Variants in TRRAP observed in about 807,000 individuals in gnomAD.
The protein encoded by TRRAP is transformation/transcription domain associated protein.
In TRRAP, 41 loss-of-function variants were observed where a neutral mutation model predicts 438.8. The observed-to-expected ratio is 0.09, with a 90% CI of 0.07 to 0.12. TRRAP has a LOEUF of 0.12. TRRAP is among the 10% of genes least tolerant of loss of function. The probability of loss-of-function intolerance (pLI) is 1.00; values close to 1 mark genes in which losing one functional copy is unlikely to be tolerated. For missense variants in TRRAP, 3,122 were observed against 5,055.1 expected (o/e 0.62, Z 11.60); for synonymous variants, 1,994 against 1,962.9 (o/e 1.02, Z -0.42).
At chr7:98,907,182 G>A (rs1281886104) in intron 13 of TRRAP, among the ~76,000 whole-genome samples, 2 of 152,104 alleles carry the variant, frequency 1.3e-5, no homozygotes, top group Admixed American at 1.3e-4. Flanking sequence ...AATTAGCCAG[G>A]CGTGGTGGCG....
chr7:98,902,908 T>A (rs1358460873), intron 11 of TRRAP, among the ~76,000 whole-genome samples: 7 of 132,146 alleles, frequency 5.3e-5, no homozygotes, highest in Non-Finnish European at 6.3e-5. Context: ...CCCCCATTTC[T>A]AAAAAAAAAA....
Position 98,976,604 on chromosome 7 carries a change from C to G in TRRAP, c.8081C>G (p.Pro2694Arg). The part of the protein sequence containing the change: ...EAMSQCVPPI[P>R]IRPCVLKYLG... ...ATGTCCCAGTGCGTGCCGCCAATCC[C>G]CATCCGACCCTGCGTCCTGAAGTAC... Residue 2694 changes from proline (P) to arginine (R), a missense_variant, in exon 55 of 73, where the codon CCC becomes CGC. Transcript: ENST00000456197. This position sits in a 1 kb window ranked among gnomAD's most constrained non-coding sequence, Gnocchi z 4.6. The G allele has an allele frequency of 6.2e-7, 1 of 1,614,220 alleles. No individual in the cohort carries two copies. Among genetic ancestry groups the G allele is most frequent in the Non-Finnish European group, 8.5e-7 (1 of 1,180,038 alleles).
intron 20 of TRRAP, among the ~76,000 whole-genome samples, chr7:98,919,566 C>T (rs1205181949): frequency 1.3e-5 from 2 of 152,172 alleles, no homozygotes; most frequent in African/African-American, 4.8e-5. Flanking sequence ...TGAACCACTG[C>T]ACTGCAAGCT....
At position 98,948,323 on chromosome 7, in the gene TRRAP, C is replaced by T; in HGVS notation, c.4651C>T (p.Arg1551Trp). 6.2e-7 allele frequency: 1 copy of T among 1,614,168 alleles called. No individual in the cohort carries two copies. Among genetic ancestry groups the T allele is most frequent in the Non-Finnish European group, 8.5e-7 (1 of 1,180,036 alleles). ...GCTAGAGGTTGTCATGAAAACGGAG[C>T]GGGCGATGCTGATCGAGGTAAGGGC... Reference protein sequence around the residue: ...PLLEVVMKTERAMLIEAGSPF... With the variant: ...PLLEVVMKTEWAMLIEAGSPF... The change falls in exon 34 of 73, where the codon CGG becomes TGG. Residue 1551 changes from arginine to tryptophan, a missense_variant. By Grantham distance (101) the Arg-to-Trp change is moderately radical. Around this residue, in one of 24 missense-constraint regions of TRRAP, gnomAD observed 108 missense variants for 256.9 expected, o/e 0.42. Coordinates refer to ENST00000456197, the MANE Select transcript of TRRAP (RefSeq NM_001375524.1). This position sits in a 1 kb window ranked among gnomAD's most constrained non-coding sequence, Gnocchi z 4.9.
Position 98,961,566 on chromosome 7 carries a change from C to T in TRRAP, c.6703+92C>T, listed in dbSNP as rs541373354. ...AGCGCTTGTCCTCCAGTTATTGTGT[C>T]GAGCGCTTTGTTATCACTTTCCTTT... On this transcript the variant is annotated intron_variant, in intron 46 of 72. Coordinates refer to ENST00000456197, the MANE Select transcript of TRRAP (RefSeq NM_001375524.1). 3.7e-5 allele frequency: 54 copies of T among 1,453,660 alleles called. No homozygotes were observed. The East Asian group carries it at 8.7e-4, about 23-fold the overall frequency. 90.0% of individuals were successfully genotyped at this position (1,453,660 alleles called of 1,614,324 possible). A position where few individuals can be genotyped will look rare whatever the true frequency, so the allele number is the denominator to read the frequency against.
intron 67 of TRRAP, among the ~76,000 whole-genome samples, chr7:99,000,239 C>G (rs550666301): frequency 2.6e-5 from 4 of 152,128 alleles, no homozygotes; most frequent in Admixed American, 6.5e-5. Context: ...GAACTCCTGA[C>G]CTCAAATGAT....
chr7:98,949,904 C>G (rs782172514), intron 37 of TRRAP, 63 bp downstream of exon 37: 5 of 1,578,116 alleles, frequency 3.2e-6, no homozygotes, highest in Non-Finnish European at 4.3e-6. Flanking sequence ...CAGCCAGAGC[C>G]TCCTTCTACT....
chr7:98,907,256 G>A (rs781885257), intron 13 of TRRAP, among the ~76,000 whole-genome samples: 1 of 152,100 alleles, frequency 6.6e-6, no homozygotes, highest in Non-Finnish European at 1.5e-5. Flanking sequence ...CCAGGAGGTA[G>A]AGGTTGCAGT....
intron 31 of TRRAP, among the ~76,000 whole-genome samples, 195 bp from the exon 32 acceptor site, chr7:98,945,552 T>G (rs1791013009): frequency 6.6e-6 from 1 of 152,252 alleles, no homozygotes; most frequent in Non-Finnish European, 1.5e-5. Context: ...CTCTGTCAGA[T>G]GGGCCGTGTT....
At chr7:98,966,396 CT>C (rs1792161275) in intron 49 of TRRAP, among the ~76,000 whole-genome samples, 1 of 151,908 alleles carries the variant, frequency 6.6e-6, no homozygotes, top group African/African-American at 2.4e-5. Flanking sequence ...GGCTTTGCTC[CT>C]CTTAAAATGT....
intron 51 of TRRAP, among the ~76,000 whole-genome samples, chr7:98,969,126 C>T (rs11772850): frequency 0.027 from 4,161 of 152,298 alleles, 68 homozygotes; most frequent in Non-Finnish European, 0.04. Flanking sequence ...TGTTCAACCA[C>T]CTCCCCTCCT....
chr7:99,006,219 T>C lies in TRRAP; in HGVS notation c.10753+871T>C, dbSNP rs1421608397. ...AGAAGAGAGCCACTTTGATGACTTT[T>C]TAGCATGTAATCCCTGAAGTCGGGA... On this transcript the variant is annotated intron_variant, in intron 69 of 72. Transcript: ENST00000456197. Among the ~76,000 whole-genome samples the C allele has an allele frequency of 2.0e-5, 3 of 152,342 alleles. No individual in the cohort carries two copies. In the East Asian group the frequency reaches 5.8e-4, roughly 29 times the overall value.
At chr7:98,993,207 A>G (rs1793505730) in intron 65 of TRRAP, among the ~76,000 whole-genome samples, 1 of 152,232 alleles carries the variant, frequency 6.6e-6, no homozygotes, top group African/African-American at 2.4e-5. Flanking sequence ...CGTTAAAAGG[A>G]GTTCTCAGGG....
At chr7:98,984,018 T>C in intron 60 of TRRAP, 75 bp from the exon 61 acceptor site, 1 of 1,480,732 alleles carries the variant, frequency 6.8e-7, no homozygotes, top group Non-Finnish European at 9.0e-7. Context: ...TGTTTCATTT[T>C]TTATTTAAGC....
chr7:98,964,166 GTGTTTC>G (rs1335860558), intron 47 of TRRAP, among the ~76,000 whole-genome samples: 1 of 151,852 alleles, frequency 6.6e-6, no homozygotes, highest in Admixed American at 6.6e-5. Context: ...ATTCTACTCA[GTGTTTC>G]TGTTCTAGTA....
Position 98,965,432 on chromosome 7 carries a change from T to A in TRRAP, c.6977-264T>A, listed in dbSNP as rs547755107. ...CACCTCAGAGTACAGGGGCCATGATTAGGACTTCACAGCTGGGTGTGGAGA... is the reference window on the plus strand; with the variant it reads ...CACCTCAGAGTACAGGGGCCATGATAAGGACTTCACAGCTGGGTGTGGAGA... On this transcript the variant is annotated intron_variant, in intron 48 of 72. Transcript: ENST00000456197. Among the ~76,000 whole-genome samples, 87 of 152,188 alleles carry A rather than the reference T, an allele frequency of 5.7e-4. 1 individual carries two copies. Among genetic ancestry groups the A allele is most frequent in the African/African-American group, 2.0e-3 (84 of 41,522 alleles).
At position 98,956,879 on chromosome 7, in the gene TRRAP, C is replaced by T. The variant is rs1554419973; in HGVS notation, c.6231+346C>T. On this transcript the variant is annotated intron_variant, in intron 43 of 72. Transcript: ENST00000456197. This position sits in a 1 kb window ranked among gnomAD's most constrained non-coding sequence, Gnocchi z 4.5. Reference sequence around the variant, plus strand: ...TCTGAGAAGGACATGTGTTCTGTTTCACGAGGCAGCCACCAAGAGGGTCCT... The same window carrying T: ...TCTGAGAAGGACATGTGTTCTGTTTTACGAGGCAGCCACCAAGAGGGTCCT... Among the ~76,000 whole-genome samples, 1 of 152,156 alleles carries T rather than the reference C, an allele frequency of 6.6e-6. No homozygotes were observed. Among genetic ancestry groups the T allele is most frequent in the Non-Finnish European group, 1.5e-5 (1 of 68,030 alleles).
rs193119521 is a variant in TRRAP at position 98,897,709 on chromosome 7, T to C, written c.508-32T>C. The C allele has an allele frequency of 1.0e-5, 16 of 1,597,632 alleles. No homozygotes were observed. The East Asian group carries it at 3.1e-4, about 31-fold the overall frequency. On this transcript the variant is annotated intron_variant, in intron 7 of 72. Transcript: ENST00000456197. The stretch of plus-strand genomic sequence containing the variant: ...TTTGAATGAATATTGGGTTTGACTT[T>C]AGGAAAAAATATTTTTATGACTTTT...
rs1794434739 is a variant in TRRAP at position 99,011,717 on chromosome 7, CT to C, written c.11337+184del. Among the ~76,000 whole-genome samples, 2 of 152,266 alleles carry C rather than the reference CT, an allele frequency of 1.3e-5. No individual in the cohort carries two copies. Among genetic ancestry groups the C allele is most frequent in the African/African-American group, 4.8e-5 (2 of 41,474 alleles). ...GGGATGGTTTTCTCTTTGGTTCACTCTTGTCTGTAGTGCTTGGAACGGGCCT... is the reference window on the plus strand; with the variant it reads ...GGGATGGTTTTCTCTTTGGTTCACTCTGTCTGTAGTGCTTGGAACGGGCCT... On this transcript the variant is annotated intron_variant, in intron 72 of 72. Coordinates refer to ENST00000456197, the MANE Select transcript of TRRAP (RefSeq NM_001375524.1). The surrounding 1 kb of genome is among the most constrained non-coding windows in gnomAD (Gnocchi z 7.1).
Sources: allele counts gnomAD v4.1 joint callset (sites outside exome capture counted in the v4.1 genomes callset), GRCh38; gene constraint gnomAD v4.1.1; regional missense constraint gnomAD v4.1.1; non-coding constraint Gnocchi (gnomAD v3.1); transcripts MANE v1.5; gene names NCBI Gene and HGNC (gene_info 2026-07-23, HGNC 2026-07-21).